Variants in POU2F3 observed in about 807,000 individuals in gnomAD.
POU2F3 encodes POU class 2 homeobox 3.
In POU2F3, 23 loss-of-function variants were observed where a neutral mutation model predicts 59.2. The observed-to-expected ratio is 0.39, with a 90% confidence interval of 0.28 to 0.55. POU2F3 has a LOEUF of 0.55. Ranked by LOEUF, POU2F3 falls within the 20% of genes least tolerant of loss-of-function variation. POU2F3 has a pLI of 0.66. For missense variants in POU2F3, 473 were observed against 544.5 expected (o/e 0.87, Z 1.31); for synonymous variants, 190 against 214.6 (o/e 0.89, Z 1.00).
At chr11:120,289,801 A>G (rs1940957399) in intron 3 of POU2F3, among the ~76,000 whole-genome samples, 1 of 151,966 alleles carries the variant, frequency 6.6e-6, no homozygotes, top group Non-Finnish European at 1.5e-5. Flanking sequence ...CCTTTTCTCT[A>G]GCTATTCTCC....
rs560245875 is a variant in POU2F3, at chr11:120,317,381, G to T, written c.1271+17G>T. 1 of 1,613,740 alleles carries T rather than the reference G, an allele frequency of 6.2e-7. No homozygotes were observed. The highest frequency in any genetic ancestry group is 1.7e-5 in the Admixed American group (1 of 59,992). On this transcript the variant is annotated intron_variant, in intron 12 of 12. Coordinates refer to ENST00000543440, the MANE Select transcript of POU2F3 (RefSeq NM_014352.4). ...CTCTTCAGGGTAAGGTGAAGGGGAC[G>T]GTGCAGAGACATCCCAGCAGGGCCA...
At position 120,267,743 on chromosome 11, in the gene POU2F3, C is replaced by CA. The variant is rs5795221; in HGVS notation, c.98-1457dup. The stretch of plus-strand genomic sequence containing the variant: ...GTGGTCATTTTGTGGCCACTGAGGA[C>CA]AAAAAAAAAATGGGTGTCACTGTCC... On this transcript the variant is annotated intron_variant, in intron 2 of 12. Transcript: ENST00000543440. Among the ~76,000 whole-genome samples, 269 of 147,464 alleles carry CA rather than the reference C, an allele frequency of 1.8e-3. No homozygotes were observed. In the East Asian group the frequency reaches 0.04, roughly 22 times the overall value.
chr11:120,283,772 C>CGTGTGTGTGT (rs36099803), intron 3 of POU2F3, among the ~76,000 whole-genome samples: 2,433 of 130,382 alleles, frequency 0.019, 65 homozygotes, highest in African/African-American at 0.035. Context: ...TAATAGGCTT[C>CGTGTGTGTGT]GTGTGTGTGT....
At chr11:120,253,223 C>T (rs959040957) in intron 2 of POU2F3, among the ~76,000 whole-genome samples, 1 of 152,100 alleles carries the variant, frequency 6.6e-6, no homozygotes, top group African/African-American at 2.4e-5. Context: ...GCTGGAGGGC[C>T]CACTGATGGA....
chr11:120,289,147 A>G (rs1698033033), intron 3 of POU2F3, among the ~76,000 whole-genome samples: 1 of 152,210 alleles, frequency 6.6e-6, no homozygotes, highest in Non-Finnish European at 1.5e-5. Context: ...TGCATCTGTG[A>G]TTAGCAGTTT....
At chr11:120,236,654 G>C (rs183641202), upstream of POU2F3, 1 of 1,488,112 alleles carries the variant, frequency 6.7e-7, no homozygotes, top group African/African-American at 1.4e-5. Flanking sequence ...CTCCAGCCCA[G>C]AGCTCAAAAA....
At chr11:120,277,592 G>A (rs925331962) in intron 3 of POU2F3, among the ~76,000 whole-genome samples, 7 of 151,960 alleles carry the variant, frequency 4.6e-5, no homozygotes, top group South Asian at 2.1e-4. Context: ...CCTGGCCAAC[G>A]TGGTAAAACC....
intron 2 of POU2F3, among the ~76,000 whole-genome samples, chr11:120,249,203 A>G (rs985622616): frequency 1.3e-5 from 2 of 152,190 alleles, no homozygotes; most frequent in Non-Finnish European, 2.9e-5. Flanking sequence ...TAAGCTGCCC[A>G]CGAGCTCAGA....
chr11:120,313,689 GCACTGACCAAATACATTAT>G (rs1457794729), intron 10 of POU2F3, among the ~76,000 whole-genome samples: 1 of 152,164 alleles, frequency 6.6e-6, no homozygotes, highest in African/African-American at 2.4e-5. Flanking sequence ...CAAGCTGGCC[GCACTGACCAAATACATTAT>G]CACTTATTTA....
chr11:120,239,892 A>G (rs1028149796), upstream of POU2F3, among the ~76,000 whole-genome samples: 16 of 152,330 alleles, frequency 1.1e-4, no homozygotes, highest in African/African-American at 3.6e-4. Flanking sequence ...GGCTTCCTAA[A>G]AAGGGCGAGC....
At position 120,315,394 on chromosome 11, in the gene POU2F3, G is replaced by C; in HGVS notation, c.1102G>C (p.Val368Leu). Residue 368 changes from valine (V) to leucine (L), a missense_variant, in exon 11 of 13, where the codon GTC becomes CTC. By Grantham distance (32) the Val-to-Leu change is conservative (BLOSUM62 1). Coordinates refer to ENST00000543440, the MANE Select transcript of POU2F3 (RefSeq NM_014352.4). ...SPSGSLGPLSVPPVHSTMPGT... is the reference protein window; with the variant it reads ...SPSGSLGPLSLPPVHSTMPGT... Reference sequence around the variant, plus strand: ...CTCAGGGTCTCTGGGCCCCCTCTCTGTCCCTCCTGTCCACAGTACCATGCC... The same window carrying C: ...CTCAGGGTCTCTGGGCCCCCTCTCTCTCCCTCCTGTCCACAGTACCATGCC... 2 of 1,613,718 alleles carry C rather than the reference G, an allele frequency of 1.2e-6. No homozygotes were observed. Among genetic ancestry groups the C allele is most frequent in the Non-Finnish European group, 1.7e-6 (2 of 1,179,632 alleles).
chr11:120,283,881 G>C (rs1480812953), intron 3 of POU2F3, among the ~76,000 whole-genome samples: 1 of 151,140 alleles, frequency 6.6e-6, no homozygotes, highest in Non-Finnish European at 1.5e-5. Context: ...ATTTATGGTA[G>C]AACAGTGCCT....
rs1290102509 is a variant in POU2F3, at chr11:120,317,246, C to T, written c.1153C>T (p.Pro385Ser). 4 of 1,614,104 alleles carry T rather than the reference C, an allele frequency of 2.5e-6. No homozygotes were observed. The highest frequency in any genetic ancestry group is 2.7e-5 in the African/African-American group (2 of 75,044). The part of the protein sequence containing the change: ...MPGTVTSSCS[P>S]GNNSRPSSPG... ...ATCCTCAGTAACGTCATCCTGTTCCCCTGGGAACAACAGCAGGCCTTCATC... is the reference window on the plus strand; with the variant it reads ...ATCCTCAGTAACGTCATCCTGTTCCTCTGGGAACAACAGCAGGCCTTCATC... Residue 385 changes from proline (P) to serine (S), a missense_variant, in exon 12 of 13, where the codon CCT becomes TCT. Physicochemically the swap from Pro to Ser is moderately conservative, Grantham distance 74. Transcript: ENST00000543440.
intron 3 of POU2F3, among the ~76,000 whole-genome samples, chr11:120,278,192 G>A (rs573943392): frequency 1.2e-4 from 18 of 152,300 alleles, no homozygotes; most frequent in African/African-American, 4.1e-4. Context: ...GCTGTTCACC[G>A]ACACAGATGT....
upstream of POU2F3, among the ~76,000 whole-genome samples, chr11:120,238,779 G>A (rs1382954880): frequency 1.2e-4 from 16 of 135,872 alleles, no homozygotes; most frequent in South Asian, 7.2e-4. Context: ...GCAGTGAGCC[G>A]AGATTGCACC....
intron 12 of POU2F3, 70 bp from the exon 13 acceptor site, chr11:120,318,283 A>C: frequency 1.4e-6 from 2 of 1,446,784 alleles, no homozygotes; most frequent in Non-Finnish European, 1.9e-6. Flanking sequence ...ACCTGCTAGC[A>C]GTCACTCCCC....
At chr11:120,278,652 C>G (rs1464330271) in intron 3 of POU2F3, among the ~76,000 whole-genome samples, 1 of 152,160 alleles carries the variant, frequency 6.6e-6, no homozygotes, top group Non-Finnish European at 1.5e-5. Context: ...GCGCCACCCC[C>G]ACAGGGAATG....
At chr11:120,302,488 C>A in intron 6 of POU2F3, 120 bp downstream of exon 6, 1 of 882,664 alleles carries the variant, frequency 1.1e-6, no homozygotes, top group Non-Finnish European at 1.7e-6. Context: ...GAGGGGATAG[C>A]AGGGAACTAT....
At chr11:120,283,135 G>A (rs1940639998) in intron 3 of POU2F3, among the ~76,000 whole-genome samples, 1 of 152,234 alleles carries the variant, frequency 6.6e-6, no homozygotes, top group African/African-American at 2.4e-5. Flanking sequence ...GGAGGAGGAA[G>A]CAGTGAAGCT....
Sources: gnomAD v4.1 joint callset for allele counts (sites outside exome capture counted in the v4.1 genomes callset) on GRCh38, gnomAD v4.1.1 for gene constraint, MANE v1.5 for transcripts, NCBI Gene and HGNC (gene_info 2026-07-23, HGNC 2026-07-21) for gene names.